ANK2: variants seen among roughly 807,000 people sequenced by gnomAD.
The protein encoded by ANK2 is ankyrin 2.
In ANK2, 83 loss-of-function variants were observed where a neutral mutation model predicts 360.5. The ratio of observed to expected loss-of-function variants is 0.23; its 90% CI spans 0.19 to 0.28. The LOEUF (loss-of-function observed/expected upper bound fraction) is 0.28, where lower values mean the gene tolerates loss of function less well. Among genes scored for constraint, ANK2 ranks in the 10% least tolerant of loss-of-function variants. The pLI is 1.00. For synonymous variants in ANK2, 1,740 were observed against 1,759.5 expected (o/e 0.99, Z 0.28); for missense variants, 4,201 against 4,795.7 (o/e 0.88, Z 3.66).
At chr4:113,168,458 A>T (rs755651577) in intron 1 of ANK2, among the ~76,000 whole-genome samples, 1 of 152,234 alleles carries the variant, frequency 6.6e-6, no homozygotes, top group Non-Finnish European at 1.5e-5. Flanking sequence ...TTGGATTAAG[A>T]ACACTCTTTT....
At chr4:113,294,686 G>T (rs1035703731) in intron 22 of ANK2, among the ~76,000 whole-genome samples, 1 of 152,196 alleles carries the variant, frequency 6.6e-6, no homozygotes, top group African/African-American at 2.4e-5. Context: ...ACTGAATTTA[G>T]ATGGGAAAGA....
At chr4:113,201,374 G>A (rs886177973) in intron 4 of ANK2, among the ~76,000 whole-genome samples, 4 of 152,036 alleles carry the variant, frequency 2.6e-5, no homozygotes, top group Admixed American at 1.3e-4. Flanking sequence ...TTTTTTACAA[G>A]TTCTCAGATG....
intron 13 of ANK2, among the ~76,000 whole-genome samples, chr4:113,264,040 C>T (rs968688572): frequency 6.6e-6 from 1 of 152,132 alleles, no homozygotes; most frequent in African/African-American, 2.4e-5. Flanking sequence ...GATGCATGGC[C>T]TACCTCAACA....
At chr4:112,989,148 C>T (rs1017673759) in intron 2 of ANK2, among the ~76,000 whole-genome samples, 2 of 152,134 alleles carry the variant, frequency 1.3e-5, no homozygotes, top group African/African-American at 4.8e-5. Flanking sequence ...TCTTGTTCTG[C>T]TCATATTTTA....
intron 1 of ANK2, chr4:112,827,374 G>A: frequency 7.3e-7 from 1 of 1,362,474 alleles, no homozygotes; most frequent in South Asian, 1.2e-5. Context: ...GCATAGAGAT[G>A]CTAATCTCAC....
In ANK2 at chr4:112,951,286, A is replaced by G. The variant is rs115968742; in HGVS notation, c.21+46772A>G. Among the ~76,000 whole-genome samples the G allele has an allele frequency of 2.9e-3, 442 of 152,344 alleles. 3 individuals are homozygous for G. The highest frequency in any genetic ancestry group is 9.4e-3 in the African/African-American group (393 of 41,590). On this transcript the variant is annotated intron_variant, in intron 2 of 30. Transcript: ENST00000503271. The stretch of plus-strand genomic sequence containing the variant: ...TTGATATTTTGTAAAACATTCAAAC[A>G]AATGAATATACTTAGTTGTTAAAAA...
In ANK2 at chr4:113,354,333, G is replaced by C; in HGVS notation, c.5715G>C (p.Ser1905=). ...STKTERHPPV[S]PSGKTDKRPP... is the part of the protein sequence containing the mutation. ...AAACAGAAAGACACCCACCTGTTTCGCCTTCAGGCAAAACAGACAAACGTC... is the reference window on the plus strand; with the variant it reads ...AAACAGAAAGACACCCACCTGTTTCCCCTTCAGGCAAAACAGACAAACGTC... The change falls in exon 38 of 46, where the codon TCG becomes TCC. Residue 1905 remains serine (S), a synonymous_variant. Transcript: ENST00000357077. The C allele has an allele frequency of 6.2e-7, 1 of 1,614,018 alleles. No individual in the cohort carries two copies.
chr4:113,189,238 A>C (rs530697533), intron 2 of ANK2, among the ~76,000 whole-genome samples: 1 of 152,188 alleles, frequency 6.6e-6, no homozygotes, highest in Non-Finnish European at 1.5e-5. Flanking sequence ...ATGATGGAAA[A>C]CAGAGTACCA....
chr4:112,998,528 A>G (rs2049452701), intron 2 of ANK2, among the ~76,000 whole-genome samples: 1 of 152,176 alleles, frequency 6.6e-6, no homozygotes, highest in African/African-American at 2.4e-5. Flanking sequence ...TTGGTGCTGG[A>G]TGTCTTACTT....
intron 11 of ANK2, among the ~76,000 whole-genome samples, chr4:113,257,198 A>G (rs752587081): frequency 1.6e-4 from 24 of 152,234 alleles, no homozygotes; most frequent in Non-Finnish European, 2.9e-4. Flanking sequence ...CAGAATAGAC[A>G]TAACAAAGGA....
chr4:112,990,159 C>T (rs2046272409), intron 2 of ANK2, among the ~76,000 whole-genome samples: 1 of 152,068 alleles, frequency 6.6e-6, no homozygotes, highest in Admixed American at 6.5e-5. Context: ...GTCTCAGCTA[C>T]TCAGGAGGCT....
At chr4:112,954,954 A>G (rs1467087095) in intron 2 of ANK2, among the ~76,000 whole-genome samples, 10 of 152,198 alleles carry the variant, frequency 6.6e-5, no homozygotes, top group Admixed American at 5.2e-4. Context: ...AAAAAACTGC[A>G]TGACCAAATA....
intron 2 of ANK2, among the ~76,000 whole-genome samples, chr4:113,025,924 C>A: frequency 6.6e-6 from 1 of 152,114 alleles, no homozygotes. Context: ...TAGATTATGT[C>A]ACTTTCATGG....
rs1261397512 is a variant in ANK2 at position 113,356,484 on chromosome 4, A to G, written c.7866A>G (p.Ser2622=). 26 of 1,614,086 alleles carry G rather than the reference A, an allele frequency of 1.6e-5. No individual in the cohort carries two copies. The highest frequency in any genetic ancestry group is 2.2e-5 in the Non-Finnish European group (26 of 1,180,006). Reference sequence around the variant, plus strand: ...AACCCAAACAAGAAGAATCTTCTTCATCTTCTGACCCAGATGCTGACTGTT... The same window carrying G: ...AACCCAAACAAGAAGAATCTTCTTCGTCTTCTGACCCAGATGCTGACTGTT... ...KKEPKQEESS[S]SSDPDADCSV... Residue 2622 remains serine, a synonymous_variant, in exon 38 of 46, where the codon TCA becomes TCG. Transcript: ENST00000357077.
chr4:113,097,921 C>T (rs777730541), intron 1 of ANK2, among the ~76,000 whole-genome samples: 8 of 145,652 alleles, frequency 5.5e-5, no homozygotes, highest in East Asian at 4.0e-4. Context: ...TATATATACA[C>T]ACACACACAA....
At chr4:113,020,845 C>T (rs576651511) in intron 2 of ANK2, among the ~76,000 whole-genome samples, 1 of 114,564 alleles carries the variant, frequency 8.7e-6, no homozygotes, top group South Asian at 2.9e-4. Context: ...AAAAAATCTA[C>T]CAAAACAAGA....
chr4:112,865,392 G>C (rs2150169610), intron 1 of ANK2, among the ~76,000 whole-genome samples: 1 of 152,238 alleles, frequency 6.6e-6, no homozygotes, highest in African/African-American at 2.4e-5. Context: ...AATTCTCAAT[G>C]ATAATGTTTA....
rs1006428990 is a variant in ANK2 at position 112,935,277 on chromosome 4, T to G, written c.21+30763T>G. On this transcript the variant is annotated intron_variant, in intron 2 of 30. Coordinates refer to the ANK2 transcript ENST00000503271. Reference sequence around the variant, plus strand: ...TCCAAACTGTATTTTAAATATATTTTCTTTCATTCAGATTTACTGCTTTGA... The same window carrying G: ...TCCAAACTGTATTTTAAATATATTTGCTTTCATTCAGATTTACTGCTTTGA... Among the ~76,000 whole-genome samples the G allele has an allele frequency of 6.6e-5, 10 of 152,342 alleles. 1 individual carries two copies. The highest frequency in any genetic ancestry group is 3.4e-3 in the Middle Eastern group (1 of 294).
intron 13 of ANK2, among the ~76,000 whole-genome samples, chr4:113,264,042 A>G (rs1283584397): frequency 6.6e-6 from 1 of 152,182 alleles, no homozygotes; most frequent in African/African-American, 2.4e-5. Context: ...TGCATGGCCT[A>G]CCTCAACAGA....
Sources: gnomAD v4.1 joint callset for allele counts (sites outside exome capture counted in the v4.1 genomes callset) on GRCh38, gnomAD v4.1.1 for gene constraint, MANE v1.5 for transcripts, NCBI Gene and HGNC (gene_info 2026-07-23, HGNC 2026-07-21) for gene names.